CDHR3: variants seen among roughly 807,000 people sequenced by gnomAD.
CDHR3 encodes cadherin related family member 3, also known as cadherin-related family member 3.
A neutral mutation model predicts 86.6 loss-of-function variants in CDHR3; 79 were observed. The observed-to-expected ratio is 0.91, with a 90% CI of 0.76 to 1.10. The LOEUF is 1.10. CDHR3 is among the 50% of genes least tolerant of loss of function. The pLI, the probability that CDHR3 is intolerant of heterozygous loss-of-function variation, is 0.00. For missense variants in CDHR3, 1,081 were observed against 1,077.6 expected, an observed-to-expected ratio of 1.00 and a Z score of -0.04; for synonymous variants, 421 against 402.4, an observed-to-expected ratio of 1.05 and a Z score of -0.55.
intron 16 of CDHR3, among the ~76,000 whole-genome samples, chr7:106,027,354 G>A (rs1415824481): frequency 2.6e-5 from 4 of 151,030 alleles, no homozygotes; most frequent in Admixed American, 2.0e-4. Flanking sequence ...CCAAGATCAC[G>A]CCACTGCACT....
At chr7:106,024,328 T>G (rs1837027405) in intron 14 of CDHR3, 53 bp from the exon 15 acceptor site, 1 of 1,502,582 alleles carries the variant, frequency 6.7e-7, no homozygotes, top group Admixed American at 1.7e-5. Context: ...GAGTGCTGAA[T>G]GTCAAAATCA....
intron 4 of CDHR3, among the ~76,000 whole-genome samples, chr7:105,985,604 G>A (rs1417747666): frequency 6.6e-6 from 1 of 151,900 alleles, no homozygotes; most frequent in Non-Finnish European, 1.5e-5. Context: ...AAAATTATTG[G>A]ATACAACTTA....
intron 6 of CDHR3, among the ~76,000 whole-genome samples, chr7:106,000,899 CAAAA>C (rs35254288): frequency 9.9e-5 from 9 of 90,710 alleles, no homozygotes; most frequent in Non-Finnish European, 1.6e-4. Flanking sequence ...TATCCTCAGG[CAAAA>C]AAAAAAAAAA....
chr7:105,980,998 T>G lies in CDHR3; in HGVS notation c.280T>G (p.Phe94Val), dbSNP rs1396101057. 4.3e-6 allele frequency: 7 copies of G among 1,610,048 alleles called. No homozygotes were observed. The highest frequency in any genetic ancestry group is 5.9e-6 in the Non-Finnish European group (7 of 1,178,084). The change falls in exon 3 of 19, where the codon TTT becomes GTT. Residue 94 changes from phenylalanine to valine, a missense_variant. Coordinates refer to ENST00000317716, the MANE Select transcript of CDHR3 (RefSeq NM_152750.5). ...VVTTGMEQLD[F>V]ETGPNIFDLQ... ...CACCACTGGGATGGAACAACTAGAT[T>G]TTGAAACAGGACCAAACATATTTGA...
At position 105,996,306 on chromosome 7, in the gene CDHR3, TC is replaced by T; in HGVS notation, c.667del (p.Gln223ArgfsTer2). 1 of 1,600,588 alleles carries T rather than the reference TC, an allele frequency of 6.2e-7. No individual in the cohort carries two copies. Among genetic ancestry groups the T allele is most frequent in the Non-Finnish European group, 8.6e-7 (1 of 1,169,304 alleles). On this transcript the variant is annotated frameshift_variant, in exon 6 of 19. Coordinates refer to ENST00000317716, the MANE Select transcript of CDHR3 (RefSeq NM_152750.5). LOFTEE classifies it high-confidence loss of function. ...GGAGGCCTCAAAGCCTCCACAGAGC[TC>T]CAGGTGAACATCGTGAACCTCAACG... is the stretch of plus-strand genomic sequence containing the variant. Reference protein sequence around the residue: ...DSGGLKASTELQVNIVNLNDE... With the variant: ...DSGGLKASTEXQVNIVNLNDE...
At position 105,968,177 on chromosome 7, in the gene CDHR3, T is replaced by C. The variant is rs145385611; in HGVS notation, c.46+4813T>C. On this transcript the variant is annotated intron_variant, in intron 1 of 18. Coordinates refer to ENST00000317716, the MANE Select transcript of CDHR3 (RefSeq NM_152750.5). ...ATAAAGGGCTCTTTTCTGTTAATCT[T>C]GCTTGGCCTGGATTGTTCCTTGTTC... 1.4e-3 allele frequency among the ~76,000 whole-genome samples: 211 copies of C among 152,300 alleles called. 1 individual carries two copies. Among genetic ancestry groups the C allele is most frequent in the African/African-American group, 4.7e-3 (195 of 41,570 alleles).
In CDHR3 at chr7:105,966,978, A is replaced by G. The variant is rs144948979; in HGVS notation, c.46+3614A>G. 2.0e-5 allele frequency among the ~76,000 whole-genome samples: 3 copies of G among 151,414 alleles called. No individual in the cohort carries two copies. The South Asian group carries it at 6.2e-4, about 32-fold the overall frequency. Reference sequence around the variant, plus strand: ...TTTTTTTTTTTTATTATTATACTTTAAGTCCTAGGGTACAGGTGCACAATG... The same window carrying G: ...TTTTTTTTTTTTATTATTATACTTTGAGTCCTAGGGTACAGGTGCACAATG... On this transcript the variant is annotated intron_variant, in intron 1 of 18. Coordinates refer to ENST00000317716, the MANE Select transcript of CDHR3 (RefSeq NM_152750.5).
chr7:106,000,841 T>C (rs966471900), intron 6 of CDHR3, among the ~76,000 whole-genome samples: 2 of 145,210 alleles, frequency 1.4e-5, no homozygotes, highest in Non-Finnish European at 3.0e-5. Context: ...GCTGACCTCA[T>C]GATTAATGCA....
chr7:105,998,142 G>A (rs534336810), intron 6 of CDHR3, among the ~76,000 whole-genome samples: 1 of 152,262 alleles, frequency 6.6e-6, no homozygotes, highest in Admixed American at 6.5e-5. Flanking sequence ...CAAACTACGT[G>A]CTGACTTGGA....
rs139465390 is a variant in CDHR3 at position 105,984,521 on chromosome 7, C to T, written c.513+232C>T. 2.0e-5 allele frequency among the ~76,000 whole-genome samples: 3 copies of T among 152,254 alleles called. No homozygotes were observed. In the East Asian group the frequency reaches 5.8e-4, roughly 29 times the overall value. Reference sequence around the variant, plus strand: ...TGATCTAGGCCCATTTGTTACCTCTCTAAGTTTCAATTTCTTCATCTGTAA... The same window carrying T: ...TGATCTAGGCCCATTTGTTACCTCTTTAAGTTTCAATTTCTTCATCTGTAA... On this transcript the variant is annotated intron_variant, in intron 4 of 18. Transcript: ENST00000317716.
chr7:106,003,989 C>CAAAAAAAAAAAAAAAAAAAAAAAACA (rs55815648), intron 7 of CDHR3, among the ~76,000 whole-genome samples: 1 of 79,950 alleles, frequency 1.3e-5, no homozygotes, highest in Non-Finnish European at 2.3e-5. Flanking sequence ...CCAACCTAAC[C>CAAAAAAAAAAAAAAAAAAAAAAAACA]AAAAAAAAAA....
At chr7:106,013,068 G>A (rs1347200908) in intron 9 of CDHR3, 37 bp downstream of exon 9, 9 of 1,532,140 alleles carry the variant, frequency 5.9e-6, no homozygotes, top group African/African-American at 2.8e-5. Flanking sequence ...AAAGGGCATC[G>A]GGAATTGGTC....
At chr7:106,000,273 G>T (rs1373699354) in intron 6 of CDHR3, among the ~76,000 whole-genome samples, 1 of 152,222 alleles carries the variant, frequency 6.6e-6, no homozygotes, top group African/African-American at 2.4e-5. Context: ...TCCACCTTGT[G>T]AATAGATGTG....
intron 3 of CDHR3, among the ~76,000 whole-genome samples, chr7:105,982,262 A>G (rs1280136090): frequency 1.3e-5 from 2 of 151,926 alleles, no homozygotes; most frequent in Non-Finnish European, 2.9e-5. Context: ...AGGTCAGGAG[A>G]TTGAGACCAT....
At position 106,020,288 on chromosome 7, in the gene CDHR3, A is replaced by G. The variant is rs549656364; in HGVS notation, c.1654-85A>G. 3.4e-5 allele frequency: 39 copies of G among 1,161,618 alleles called. No homozygotes were observed. The East Asian group carries it at 8.3e-4, about 25-fold the overall frequency. 72.0% of individuals were successfully genotyped at this position (1,161,618 alleles called of 1,614,324 possible). ...AGTTTAAATGAGCTAATTTATGAAAAGTGCTTAGCCTGAAAACTGCCTACA... is the reference window on the plus strand; with the variant it reads ...AGTTTAAATGAGCTAATTTATGAAAGGTGCTTAGCCTGAAAACTGCCTACA... On this transcript the variant is annotated intron_variant, in intron 12 of 18. Coordinates refer to ENST00000317716, the MANE Select transcript of CDHR3 (RefSeq NM_152750.5).
intron 1 of CDHR3, among the ~76,000 whole-genome samples, chr7:105,969,282 C>T (rs1333781580): frequency 6.7e-6 from 1 of 149,590 alleles, no homozygotes; most frequent in Non-Finnish European, 1.5e-5. Context: ...GCCTGTAGTC[C>T]CAGCTACTCG....
At chr7:105,983,271 G>A (rs1043150100) in intron 3 of CDHR3, among the ~76,000 whole-genome samples, 1 of 152,004 alleles carries the variant, frequency 6.6e-6, no homozygotes. Context: ...TTTTTTGAAC[G>A]AAGCATGAGA....
intron 1 of CDHR3, 146 bp downstream of exon 1, chr7:105,963,510 C>T (rs745709820): frequency 9.9e-5 from 82 of 824,240 alleles, no homozygotes; most frequent in Non-Finnish European, 1.5e-4. Flanking sequence ...GAGGTGATGC[C>T]GCTCCAGGGA....
chr7:106,018,800 G>A (rs1836070616), intron 12 of CDHR3, among the ~76,000 whole-genome samples: 1 of 152,054 alleles, frequency 6.6e-6, no homozygotes, highest in Non-Finnish European at 1.5e-5. Context: ...CATACCAGAT[G>A]GGGTAGATCT....
Sources: gnomAD v4.1 joint callset for allele counts (sites outside exome capture counted in the v4.1 genomes callset) on GRCh38, gnomAD v4.1.1 for gene constraint, MANE v1.5 for transcripts, NCBI Gene and HGNC (gene_info 2026-07-23, HGNC 2026-07-21) for gene names.